Variants in FRMD5 observed in about 807,000 individuals in gnomAD.
The protein encoded by FRMD5 is FERM domain-containing protein 5.
A neutral mutation model predicts 69.0 loss-of-function variants in FRMD5; 20 were observed. That is an observed-to-expected ratio of 0.29 (90% confidence interval 0.20 to 0.42). FRMD5 has a LOEUF of 0.42. FRMD5 is among the 10% of genes least tolerant of loss of function. The probability of loss-of-function intolerance (pLI) is 1.00; values close to 1 mark genes in which losing one functional copy is unlikely to be tolerated. For missense variants in FRMD5, 595 were observed against 708.6 expected (o/e 0.84, Z 1.82); for synonymous variants, 271 against 260.1 (o/e 1.04, Z -0.40).
chr15:44,015,362 A>T lies in FRMD5; in HGVS notation c.103-91053T>A, dbSNP rs369399323. Among the ~76,000 whole-genome samples, 3 of 152,076 alleles carry T rather than the reference A, an allele frequency of 2.0e-5. No homozygotes were observed. The East Asian group carries it at 5.8e-4, about 29-fold the overall frequency. On this transcript the variant is annotated intron_variant, in intron 1 of 13. Transcript: ENST00000417257. ...TCATTATGTTGCCCAGATGGGTCTC[A>T]AACTCCTGGTCTCAAGTAACTCTTC...
chr15:44,119,084 T>G (rs565591804), intron 1 of FRMD5, among the ~76,000 whole-genome samples: 6 of 152,248 alleles, frequency 3.9e-5, no homozygotes, highest in African/African-American at 1.4e-4. Flanking sequence ...GCCTCCTGAG[T>G]AGCTGGGACT....
chr15:44,034,444 C>T lies in FRMD5; in HGVS notation c.103-110135G>A, dbSNP rs998108926. On this transcript the variant is annotated intron_variant, in intron 1 of 13. Coordinates refer to ENST00000417257, the MANE Select transcript of FRMD5 (RefSeq NM_032892.5). ...TTCACTTGGTCTACACTTGGGTTCA[C>T]GGACTTCTAAATGCTGGGAAACAAA... is the stretch of plus-strand genomic sequence containing the variant. 2.0e-5 allele frequency among the ~76,000 whole-genome samples: 3 copies of T among 152,304 alleles called. No individual in the cohort carries two copies. The East Asian group carries it at 5.8e-4, about 29-fold the overall frequency.
At chr15:43,968,273 CTAGGTGATAT>C (rs2090325777) in intron 1 of FRMD5, among the ~76,000 whole-genome samples, 1 of 151,996 alleles carries the variant, frequency 6.6e-6, no homozygotes, top group Non-Finnish European at 1.5e-5. Context: ...AATAGAAGGC[CTAGGTGATAT>C]TTTTAAGAAG....
At chr15:44,033,489 CTCT>C (rs1452660660) in intron 1 of FRMD5, among the ~76,000 whole-genome samples, 1 of 152,062 alleles carries the variant, frequency 6.6e-6, no homozygotes, top group East Asian at 1.9e-4. Context: ...TTGTTCAAGT[CTCT>C]TTTTTGATAT....
intron 1 of FRMD5, among the ~76,000 whole-genome samples, chr15:44,165,980 A>G (rs2077702819): frequency 6.6e-6 from 1 of 152,220 alleles, no homozygotes; most frequent in African/African-American, 2.4e-5. Context: ...ATCTTGGTAT[A>G]AAAATTATTT....
At chr15:44,171,243 G>A (rs182852979) in intron 1 of FRMD5, among the ~76,000 whole-genome samples, 7 of 152,304 alleles carry the variant, frequency 4.6e-5, no homozygotes, top group Admixed American at 1.3e-4. Flanking sequence ...AGAATTTCTT[G>A]ATGTATATAT....
intron 1 of FRMD5, among the ~76,000 whole-genome samples, chr15:44,076,941 A>C (rs1372290889): frequency 6.6e-6 from 1 of 151,984 alleles, no homozygotes; most frequent in Admixed American, 6.6e-5. Context: ...TTCAACCATC[A>C]CATGTATTCT....
intron 4 of FRMD5, among the ~76,000 whole-genome samples, chr15:43,916,972 G>T (rs541083621): frequency 6.6e-6 from 1 of 152,052 alleles, no homozygotes; most frequent in African/African-American, 2.4e-5. Flanking sequence ...TAGAGACGGG[G>T]TTTCACCATG....
intron 1 of FRMD5, among the ~76,000 whole-genome samples, chr15:44,101,808 T>C (rs777936002): frequency 3.3e-5 from 5 of 152,226 alleles, no homozygotes; most frequent in Non-Finnish European, 5.9e-5. Flanking sequence ...GAATGATGCC[T>C]GAACCAACTC....
chr15:44,122,566 C>T (rs2076968648), intron 1 of FRMD5, among the ~76,000 whole-genome samples: 1 of 149,324 alleles, frequency 6.7e-6, no homozygotes, highest in Admixed American at 6.7e-5. Context: ...GAGACCCTGC[C>T]TCAAACAAAA....
At chr15:44,081,235 G>A (rs904370715) in intron 1 of FRMD5, among the ~76,000 whole-genome samples, 2 of 152,062 alleles carry the variant, frequency 1.3e-5, no homozygotes, top group African/African-American at 4.8e-5. Flanking sequence ...TGATGCCCTA[G>A]TTAATTAAGT....
At position 43,938,794 on chromosome 15, in the gene FRMD5, C is replaced by T. The variant is rs1438684003; in HGVS notation, c.103-14485G>A. On this transcript the variant is annotated intron_variant, in intron 1 of 13. Coordinates refer to ENST00000417257, the MANE Select transcript of FRMD5 (RefSeq NM_032892.5). ...TGAAGATTATGAAGCAAAAAATGAG[C>T]AGCATTTAAAGCCAGATTTCTTTTT... 2.6e-5 allele frequency among the ~76,000 whole-genome samples: 4 copies of T among 152,164 alleles called. No homozygotes were observed. In the East Asian group the frequency reaches 7.7e-4, roughly 29 times the overall value.
chr15:44,101,117 C>A (rs2076633084), intron 1 of FRMD5, among the ~76,000 whole-genome samples: 1 of 151,090 alleles, frequency 6.6e-6, no homozygotes, highest in Admixed American at 6.6e-5. Flanking sequence ...CCACTGCACT[C>A]CAGCCTGGGC....
At chr15:43,996,887 G>GT (rs1353753572) in intron 1 of FRMD5, among the ~76,000 whole-genome samples, 4 of 151,922 alleles carry the variant, frequency 2.6e-5, no homozygotes, top group African/African-American at 9.7e-5. Context: ...TCACATTAAA[G>GT]TTTGATAAAC....
intron 1 of FRMD5, among the ~76,000 whole-genome samples, chr15:44,044,704 G>T (rs1178036546): frequency 6.6e-6 from 1 of 151,742 alleles, no homozygotes; most frequent in African/African-American, 2.4e-5. Flanking sequence ...ATAAGTGGGT[G>T]CTGAACAATG....
chr15:44,198,063 C>T (rs568411356), upstream of FRMD5, among the ~76,000 whole-genome samples: 3 of 152,248 alleles, frequency 2.0e-5, no homozygotes, highest in Admixed American at 1.3e-4. Flanking sequence ...ATAATCCCAA[C>T]ATTTGGGAAG....
intron 1 of FRMD5, among the ~76,000 whole-genome samples, chr15:44,020,248 T>A (rs1472312804): frequency 1.3e-5 from 2 of 152,156 alleles, no homozygotes; most frequent in African/African-American, 4.8e-5. Context: ...CCACTTTACA[T>A]CTGCTTAATG....
At chr15:43,912,718 T>C (rs114620230) in intron 4 of FRMD5, among the ~76,000 whole-genome samples, 1 of 151,444 alleles carries the variant, frequency 6.6e-6, no homozygotes, top group African/African-American at 2.4e-5. Context: ...GCTCCTGTGG[T>C]TTGAAATGGC....
intron 1 of FRMD5, among the ~76,000 whole-genome samples, chr15:44,007,637 ATTTTTT>A (rs35512441): frequency 2.5e-5 from 2 of 81,146 alleles, no homozygotes; most frequent in African/African-American, 9.8e-5. Flanking sequence ...TAATTAACTA[ATTTTTT>A]TTTTTTTTTT....
Sources: allele counts gnomAD v4.1 joint callset (sites outside exome capture counted in the v4.1 genomes callset), GRCh38; gene constraint gnomAD v4.1.1; transcripts MANE v1.5; gene names NCBI Gene and HGNC (gene_info 2026-07-23, HGNC 2026-07-21).